Variants in CNTNAP2 observed in about 807,000 individuals in gnomAD.
The protein encoded by CNTNAP2 is contactin-associated protein-like 2.
Under a neutral mutation model 155.2 loss-of-function variants are expected in CNTNAP2, and 98 were observed. The ratio of observed to expected loss-of-function variants is 0.63; its 90% CI spans 0.54 to 0.75. The LOEUF (loss-of-function observed/expected upper bound fraction) is 0.75, where lower values mean the gene tolerates loss of function less well. Ranked by LOEUF, CNTNAP2 falls within the 30% of genes least tolerant of loss-of-function variation. The pLI is 0.00. For synonymous variants in CNTNAP2, 651 were observed against 631.2 expected, an observed-to-expected ratio of 1.03 and a Z score of -0.47; for missense variants, 1,727 against 1,688.1, an observed-to-expected ratio of 1.02 and a Z score of -0.40.
intron 21 of CNTNAP2, among the ~76,000 whole-genome samples, chr7:148,361,692 C>T (rs1217350428): frequency 6.6e-6 from 1 of 152,192 alleles, no homozygotes; most frequent in Non-Finnish European, 1.5e-5. Flanking sequence ...CATCTTAACT[C>T]GACCATTGTA....
At chr7:148,278,124 C>T (rs1796908370) in intron 21 of CNTNAP2, among the ~76,000 whole-genome samples, 1 of 152,230 alleles carries the variant, frequency 6.6e-6, no homozygotes, top group East Asian at 1.9e-4. Flanking sequence ...AGAAGAGAAA[C>T]TTGCTTTCCC....
chr7:147,236,904 A>C lies in CNTNAP2; in HGVS notation c.1349-63237A>C, dbSNP rs557350237. On this transcript the variant is annotated intron_variant, in intron 8 of 23. Coordinates refer to ENST00000361727, the MANE Select transcript of CNTNAP2 (RefSeq NM_014141.6). ...AAAGACTGATGTAAAAATAAACCTT[A>C]CCCTGTGATTGCCATGCCCAAAATT... Among the ~76,000 whole-genome samples the C allele has an allele frequency of 5.9e-5, 9 of 151,982 alleles. No homozygotes were observed. In the South Asian group the frequency reaches 8.3e-4, roughly 14 times the overall value.
chr7:147,419,115 C>T (rs972330115), intron 10 of CNTNAP2, among the ~76,000 whole-genome samples: 1 of 152,160 alleles, frequency 6.6e-6, no homozygotes. Context: ...CCATAGCCAC[C>T]ACATGAAATA....
At chr7:146,395,123 A>G (rs1432693453) in intron 1 of CNTNAP2, among the ~76,000 whole-genome samples, 2 of 152,142 alleles carry the variant, frequency 1.3e-5, no homozygotes, top group Non-Finnish European at 2.9e-5. Context: ...TATATACCAC[A>G]TTTTCTTTAT....
intron 22 of CNTNAP2, among the ~76,000 whole-genome samples, 194 bp from the exon 23 acceptor site, chr7:148,409,196 AG>A (rs1799770463): frequency 1.3e-5 from 2 of 152,246 alleles, no homozygotes; most frequent in Admixed American, 1.3e-4. Flanking sequence ...CCTTGTGCAA[AG>A]AGAAACAGCA....
At position 146,644,299 on chromosome 7, in the gene CNTNAP2, G is replaced by C. The variant is rs541480121; in HGVS notation, c.98-129972G>C. ...TGATATTGGCTGTGGGTTTGTCATA[G>C]ACAGCTCTTATTATTTTGAGATATG... On this transcript the variant is annotated intron_variant, in intron 1 of 23. Coordinates refer to ENST00000361727, the MANE Select transcript of CNTNAP2 (RefSeq NM_014141.6). Among the ~76,000 whole-genome samples, 6 of 152,196 alleles carry C rather than the reference G, an allele frequency of 3.9e-5. No individual in the cohort carries two copies. The South Asian group carries it at 1.2e-3, about 32-fold the overall frequency.
intron 1 of CNTNAP2, among the ~76,000 whole-genome samples, chr7:146,172,319 G>C (rs1798406748): frequency 6.6e-6 from 1 of 151,902 alleles, no homozygotes; most frequent in Non-Finnish European, 1.5e-5. Context: ...CTAGTGGGTG[G>C]AGGCCAGGGA....
chr7:148,396,166 G>A (rs1355184400), intron 22 of CNTNAP2, among the ~76,000 whole-genome samples: 1 of 152,138 alleles, frequency 6.6e-6, no homozygotes, highest in Non-Finnish European at 1.5e-5. Flanking sequence ...TCTGTTGATG[G>A]CAGAACCACT....
chr7:146,235,682 C>A (rs549825506), intron 1 of CNTNAP2, among the ~76,000 whole-genome samples: 43 of 152,056 alleles, frequency 2.8e-4, no homozygotes, highest in South Asian at 6.2e-4. Flanking sequence ...TTTTCAGGTG[C>A]ACAGGCCGTG....
chr7:147,358,803 C>A (rs563205188), intron 9 of CNTNAP2, among the ~76,000 whole-genome samples: 1 of 152,178 alleles, frequency 6.6e-6, no homozygotes, highest in East Asian at 1.9e-4. Flanking sequence ...TTTGGAATCA[C>A]CTTAAGCATT....
At chr7:148,229,038 C>A (rs1278560248) in intron 19 of CNTNAP2, among the ~76,000 whole-genome samples, 2 of 152,050 alleles carry the variant, frequency 1.3e-5, no homozygotes, top group Non-Finnish European at 2.9e-5. Flanking sequence ...CAGGCATAAT[C>A]CCAACTTGGA....
chr7:146,653,922 A>G (rs1446474009), intron 1 of CNTNAP2, among the ~76,000 whole-genome samples: 1 of 151,882 alleles, frequency 6.6e-6, no homozygotes, highest in Non-Finnish European at 1.5e-5. Context: ...ATTTCCTTGG[A>G]CTCTTTAGTG....
At chr7:146,745,240 T>C (rs191079502) in intron 1 of CNTNAP2, among the ~76,000 whole-genome samples, 45 of 152,310 alleles carry the variant, frequency 3.0e-4, no homozygotes, top group Non-Finnish European at 5.1e-4. Flanking sequence ...AAACATCTAA[T>C]GCTAGGCACC....
intron 5 of CNTNAP2, among the ~76,000 whole-genome samples, chr7:147,116,051 A>T (rs1422963642): frequency 6.6e-6 from 1 of 152,024 alleles, no homozygotes; most frequent in African/African-American, 2.4e-5. Flanking sequence ...GCCCTGTAGA[A>T]GTCTGGCCAC....
chr7:147,211,622 C>T (rs1803147912), intron 8 of CNTNAP2, among the ~76,000 whole-genome samples: 1 of 151,922 alleles, frequency 6.6e-6, no homozygotes, highest in African/African-American at 2.4e-5. Flanking sequence ...AGAAACTAGA[C>T]CTCTGCCTTT....
At chr7:146,203,767 T>G (rs1161805714) in intron 1 of CNTNAP2, among the ~76,000 whole-genome samples, 3 of 152,134 alleles carry the variant, frequency 2.0e-5, no homozygotes, top group Non-Finnish European at 2.9e-5. Context: ...GCCCTCAGTC[T>G]ACTAGTCAAC....
intron 1 of CNTNAP2, among the ~76,000 whole-genome samples, chr7:146,130,369 C>G (rs1029417371): frequency 1.3e-5 from 2 of 152,098 alleles, no homozygotes; most frequent in African/African-American, 4.8e-5. Context: ...ACTGGAGAGG[C>G]TGAGGTGGAA....
chr7:146,544,121 A>C (rs543946980), intron 1 of CNTNAP2, among the ~76,000 whole-genome samples: 1 of 152,012 alleles, frequency 6.6e-6, no homozygotes. Flanking sequence ...ATTCTGAGTG[A>C]TAATTTAGTA....
chr7:148,289,564 TACACACACACTCACACTCAC>T lies in CNTNAP2; in HGVS notation c.3475+22449_3475+22468del, dbSNP rs1420565668. Among the ~76,000 whole-genome samples the T allele has an allele frequency of 8.5e-5, 9 of 106,286 alleles. No homozygotes were observed. In the South Asian group the frequency reaches 3.2e-3, roughly 38 times the overall value. The allele number at this position is 106,286 out of a possible 152,430, so 69.7% of individuals were successfully genotyped here. On this transcript the variant is annotated intron_variant, in intron 21 of 23. Transcript: ENST00000361727. Reference sequence around the variant, plus strand: ...GAAGCAAAATGATAATGTAAATGAATACACACACACTCACACTCACACACACACACACACACACCCCATGT... The same window carrying T: ...GAAGCAAAATGATAATGTAAATGAATACACACACACACACACACCCCATGT...
Sources: gnomAD v4.1 joint callset for allele counts (sites outside exome capture counted in the v4.1 genomes callset) on GRCh38, gnomAD v4.1.1 for gene constraint, MANE v1.5 for transcripts, NCBI Gene and HGNC (gene_info 2026-07-23, HGNC 2026-07-21) for gene names.